MTA3: variants seen among roughly 807,000 people sequenced by gnomAD.
MTA3 encodes metastasis associated 1 family member 3, also known as metastasis-associated protein MTA3.
In MTA3, 34 loss-of-function variants were observed where a neutral mutation model predicts 83.5. The observed-to-expected ratio is 0.41, with a 90% confidence interval of 0.31 to 0.54. MTA3 has a LOEUF of 0.54. MTA3 is among the 20% of genes least tolerant of loss of function. The pLI is 0.33. For synonymous variants in MTA3, 303 were observed against 252.7 expected, an observed-to-expected ratio of 1.20 and a Z score of -1.89; for missense variants, 761 against 726.4, an observed-to-expected ratio of 1.05 and a Z score of -0.55.
intron 13 of MTA3, 52 bp from the exon 14 acceptor site, chr2:42,708,822 G>C: frequency 6.3e-7 from 1 of 1,590,376 alleles, no homozygotes; most frequent in East Asian, 2.2e-5. Context: ...AAACAGTAAC[G>C]TGTTTGGGCA....
chr2:42,714,291 A>G (rs1170891717), intron 14 of MTA3, among the ~76,000 whole-genome samples: 1 of 152,116 alleles, frequency 6.6e-6, no homozygotes, highest in African/African-American at 2.4e-5. Context: ...TTAATCTGTG[A>G]TATGTGATAC....
chr2:42,714,975 C>A (rs1014002145), intron 14 of MTA3, among the ~76,000 whole-genome samples: 4 of 152,162 alleles, frequency 2.6e-5, no homozygotes, highest in Non-Finnish European at 4.4e-5. Context: ...GGCTTGGGGA[C>A]CCCTGCTCTA....
chr2:42,630,931 T>G (rs886866820), intron 4 of MTA3, among the ~76,000 whole-genome samples: 2 of 152,234 alleles, frequency 1.3e-5, no homozygotes, highest in South Asian at 2.1e-4. Context: ...ATGGATATGT[T>G]TATTGAAAAA....
intron 2 of MTA3, among the ~76,000 whole-genome samples, chr2:42,574,006 T>G (rs1433143659): frequency 6.6e-6 from 1 of 151,110 alleles, no homozygotes; most frequent in African/African-American, 2.4e-5. Flanking sequence ...ATTTATTTAT[T>G]TATTATTTAT....
At chr2:42,554,295 A>G (rs1342362770) in intron 2 of MTA3, among the ~76,000 whole-genome samples, 1 of 152,186 alleles carries the variant, frequency 6.6e-6, no homozygotes, top group Admixed American at 6.5e-5. Context: ...CTTCCATTGG[A>G]TGGTGAACTC....
intron 2 of MTA3, among the ~76,000 whole-genome samples, chr2:42,550,779 T>C (rs1677071741): frequency 6.6e-6 from 1 of 152,122 alleles, no homozygotes; most frequent in Non-Finnish European, 1.5e-5. Flanking sequence ...CAGTGGCTCA[T>C]GCCTGTAATC....
At chr2:42,557,425 A>G (rs1167473064) in intron 2 of MTA3, among the ~76,000 whole-genome samples, 2 of 152,144 alleles carry the variant, frequency 1.3e-5, no homozygotes, top group Non-Finnish European at 2.9e-5. Flanking sequence ...TCTTACAGAA[A>G]GGAACCAATG....
chr2:42,596,061 C>A (rs1681755644), intron 3 of MTA3, among the ~76,000 whole-genome samples: 1 of 152,132 alleles, frequency 6.6e-6, no homozygotes, highest in Non-Finnish European at 1.5e-5. Flanking sequence ...ATTTGAAAAA[C>A]TTTTTCTTAT....
intron 4 of MTA3, among the ~76,000 whole-genome samples, chr2:42,631,173 A>G (rs565209299): frequency 7.8e-4 from 119 of 152,350 alleles, no homozygotes; most frequent in African/African-American, 2.3e-3. Context: ...GTTGATACCT[A>G]TAAGTAGTGC....
intron 2 of MTA3, among the ~76,000 whole-genome samples, chr2:42,519,132 T>C (rs938841157): frequency 6.6e-6 from 1 of 152,072 alleles, no homozygotes; most frequent in Non-Finnish European, 1.5e-5. Context: ...TAATCAGTCA[T>C]GTTGATCACA....
intron 2 of MTA3, among the ~76,000 whole-genome samples, chr2:42,559,898 CAA>C (rs955947112): frequency 3.2e-5 from 4 of 123,348 alleles, no homozygotes; most frequent in East Asian, 2.4e-4. Context: ...AACTCCATCT[CAA>C]AAAAAAAAAA....
chr2:42,542,153 C>G (rs564070616), intron 2 of MTA3, among the ~76,000 whole-genome samples: 9 of 152,264 alleles, frequency 5.9e-5, no homozygotes, highest in African/African-American at 2.2e-4. Flanking sequence ...CCACTCCATT[C>G]CCAGACTCTT....
chr2:42,621,205 A>G (rs1409562174), intron 4 of MTA3, among the ~76,000 whole-genome samples: 1 of 151,164 alleles, frequency 6.6e-6, no homozygotes, highest in African/African-American at 2.4e-5. Flanking sequence ...GTCATAGGAC[A>G]ATAGTGGAGG....
intron 16 of MTA3, among the ~76,000 whole-genome samples, chr2:42,751,497 G>T (rs917529304): frequency 6.6e-6 from 1 of 152,214 alleles, no homozygotes; most frequent in African/African-American, 2.4e-5. Context: ...ATCTGGGGAA[G>T]CTCTGAGCAG....
chr2:42,658,854 C>T (rs562985758), intron 7 of MTA3, among the ~76,000 whole-genome samples: 3 of 151,190 alleles, frequency 2.0e-5, no homozygotes, highest in African/African-American at 7.3e-5. Context: ...GCGGGAGGAT[C>T]ACTTGAGCCC....
At chr2:42,609,290 C>A (rs1295258508) in intron 3 of MTA3, among the ~76,000 whole-genome samples, 168 bp from the exon 4 acceptor site, 1 of 152,040 alleles carries the variant, frequency 6.6e-6, no homozygotes, top group African/African-American at 2.4e-5. Flanking sequence ...CTCAGCTTCC[C>A]AAAATGCTTA....
intron 16 of MTA3, among the ~76,000 whole-genome samples, chr2:42,734,464 C>T (rs938862136): frequency 2.7e-4 from 31 of 116,498 alleles, no homozygotes; most frequent in Non-Finnish European, 4.5e-4. Flanking sequence ...CAACAGATCA[C>T]GGGGCCTTTT....
rs116712461 is a variant in MTA3 at position 42,708,316 on chromosome 2, T to C, written c.1302+262T>C. On this transcript the variant is annotated intron_variant, in intron 13 of 16. Coordinates refer to ENST00000405094, the MANE Select transcript of MTA3 (RefSeq NM_001330442.2). ...ATAAGTAGAGAGCTTACAAATTAAA[T>C]GTTTAATTGCTTTTGAAAACAGTTC... Among the ~76,000 whole-genome samples, 271 of 152,350 alleles carry C rather than the reference T, an allele frequency of 1.8e-3. 2 individuals are homozygous for C. The highest frequency in any genetic ancestry group is 6.2e-3 in the African/African-American group (258 of 41,586).
chr2:42,599,703 C>T (rs1395894210), intron 3 of MTA3, among the ~76,000 whole-genome samples: 1 of 152,076 alleles, frequency 6.6e-6, no homozygotes, highest in Non-Finnish European at 1.5e-5. Context: ...GTAAAGATAT[C>T]CCTAAAGATA....
Sources: gnomAD v4.1 joint callset for allele counts (sites outside exome capture counted in the v4.1 genomes callset) on GRCh38, gnomAD v4.1.1 for gene constraint, MANE v1.5 for transcripts, NCBI Gene and HGNC (gene_info 2026-07-23, HGNC 2026-07-21) for gene names.